Variants in MECR observed in about 807,000 individuals in gnomAD.
MECR encodes the protein mitochondrial trans-2-enoyl-CoA reductase.
In MECR, 37 loss-of-function variants were observed where a neutral mutation model predicts 49.1. The observed-to-expected ratio is 0.75, with a 90% CI of 0.58 to 0.99. The LOEUF (loss-of-function observed/expected upper bound fraction) is 0.99. Ranked by LOEUF, MECR falls within the 50% of genes least tolerant of loss-of-function variation. MECR has a pLI of 0.00. For missense variants in MECR, 470 were observed against 479.6 expected, an observed-to-expected ratio of 0.98 and a Z score of 0.19; for synonymous variants, 198 against 191.1, an observed-to-expected ratio of 1.04 and a Z score of -0.30.
At chr1:29,216,858 G>A in intron 1 of MECR, 173 bp from the exon 2 acceptor site, 1 of 1,403,622 alleles carries the variant, frequency 7.1e-7, no homozygotes, top group African/African-American at 1.5e-5. Context: ...CAGGAGGCTG[G>A]GCGTGGTGGC....
At chr1:29,217,288 A>C (rs61783708) in intron 1 of MECR, among the ~76,000 whole-genome samples, 118,559 of 148,228 alleles carry the variant, frequency 0.8, 48,053 homozygotes, top group Non-Finnish European at 0.87. Flanking sequence ...CGGCTCACTA[A>C]AAGCTCCGCC....
At chr1:29,229,549 C>A (rs1682944269) in intron 1 of MECR, among the ~76,000 whole-genome samples, 1 of 152,172 alleles carries the variant, frequency 6.6e-6, no homozygotes, top group African/African-American at 2.4e-5. Context: ...TTTGCCCATC[C>A]TTTGGAAAAT....
chr1:29,203,291 G>T, intron 4 of MECR, 58 bp from the exon 5 acceptor site: 1 of 1,372,404 alleles, frequency 7.3e-7, no homozygotes, highest in Non-Finnish European at 1.0e-6. Flanking sequence ...ATAGGTCAAA[G>T]GCTCCCAGCC....
intron 2 of MECR, 30 bp downstream of exon 2, chr1:29,216,558 A>C (rs776229869): frequency 6.2e-7 from 1 of 1,608,686 alleles, no homozygotes; most frequent in Non-Finnish European, 8.5e-7. Context: ...AAAAAAGCCA[A>C]TTAACATAAG....
intron 9 of MECR, among the ~76,000 whole-genome samples, chr1:29,194,927 G>A (rs143326641): frequency 0.015 from 2,292 of 151,840 alleles, 30 homozygotes; most frequent in Non-Finnish European, 0.021. Context: ...ACCAGCCTGG[G>A]CAACATGATG....
chr1:29,185,351 C>A, the MECR span, among the ~76,000 whole-genome samples: 1 of 152,048 alleles, frequency 6.6e-6, no homozygotes, highest in Non-Finnish European at 1.5e-5. Flanking sequence ...TGGGTTCACA[C>A]GGTTCTCCTG....
At chr1:29,198,965 C>G (rs1478062475) in intron 7 of MECR, among the ~76,000 whole-genome samples, 31 of 151,258 alleles carry the variant, frequency 2.0e-4, no homozygotes, top group Admixed American at 2.0e-3. Flanking sequence ...ACTGCACCCC[C>G]TGTCTAGGTG....
At chr1:29,181,407 C>T in the MECR span, among the ~76,000 whole-genome samples, 1 of 152,146 alleles carries the variant, frequency 6.6e-6, no homozygotes, top group Non-Finnish European at 1.5e-5. Context: ...GGCTTTCCTT[C>T]TCCCCGTCCC....
At chr1:29,204,884 G>A (rs1676191910) in intron 4 of MECR, among the ~76,000 whole-genome samples, 1 of 152,246 alleles carries the variant, frequency 6.6e-6, no homozygotes, top group African/African-American at 2.4e-5. Flanking sequence ...ATAGTTGCAA[G>A]AAACCTATAT....
the MECR span, among the ~76,000 whole-genome samples, chr1:29,176,117 T>G: frequency 6.6e-6 from 1 of 152,068 alleles, no homozygotes; most frequent in African/African-American, 2.4e-5. Flanking sequence ...CCGGGCGTGG[T>G]GGCACGCGCC....
intron 1 of MECR, among the ~76,000 whole-genome samples, chr1:29,217,127 CAAAAAAAAAA>C (rs1195549293): frequency 6.3e-5 from 3 of 47,264 alleles, no homozygotes; most frequent in Non-Finnish European, 1.1e-4. Flanking sequence ...GACTTTGTCT[CAAAAAAAAAA>C]AAAAAAAAAA....
intron 5 of MECR, among the ~76,000 whole-genome samples, chr1:29,202,888 C>A (rs1675656009): frequency 6.6e-6 from 1 of 152,222 alleles, no homozygotes; most frequent in South Asian, 2.1e-4. Flanking sequence ...TCAGTAAGGG[C>A]AGTCTCCACC....
chr1:29,229,827 A>G (rs1269845510), intron 1 of MECR, among the ~76,000 whole-genome samples: 2 of 152,188 alleles, frequency 1.3e-5, no homozygotes, highest in African/African-American at 4.8e-5. Flanking sequence ...CAGTGGCCCC[A>G]ATAGCCCTTC....
intron 1 of MECR, among the ~76,000 whole-genome samples, chr1:29,222,412 C>T (rs1010925186): frequency 8.6e-5 from 13 of 152,024 alleles, no homozygotes; most frequent in African/African-American, 2.9e-4. Context: ...GTATTTCCTG[C>T]GATCCAATTT....
At chr1:29,177,283 GTTTT>G in the MECR span, among the ~76,000 whole-genome samples, 1 of 137,880 alleles carries the variant, frequency 7.3e-6, no homozygotes. Context: ...AACTCTTTTT[GTTTT>G]TTTTTTTTTT....
chr1:29,181,887 G>C, the MECR span: 5 of 604,464 alleles, frequency 8.3e-6, no homozygotes, highest in South Asian at 7.5e-5. Context: ...CCCCGGCGAC[G>C]TACGCGAGCA....
chr1:29,221,922 T>C (rs1680870867), intron 1 of MECR, among the ~76,000 whole-genome samples: 1 of 152,142 alleles, frequency 6.6e-6, no homozygotes, highest in African/African-American at 2.4e-5. Flanking sequence ...TCAAAATGCC[T>C]ATGTGGAGGG....
the MECR span, among the ~76,000 whole-genome samples, chr1:29,187,299 C>T: frequency 0.1 from 15,141 of 149,802 alleles, 959 homozygotes; most frequent in African/African-American, 0.19. Context: ...CTGCAACCTC[C>T]GCCTCCGGGT....
intron 7 of MECR, among the ~76,000 whole-genome samples, chr1:29,198,196 C>T (rs901125280): frequency 6.6e-6 from 1 of 152,228 alleles, no homozygotes; most frequent in African/African-American, 2.4e-5. Context: ...CATGCTCGCT[C>T]ACCCACCGCT....
Sources: allele counts gnomAD v4.1 joint callset (sites outside exome capture counted in the v4.1 genomes callset), GRCh38; gene constraint gnomAD v4.1.1; transcripts MANE v1.5; gene names NCBI Gene and HGNC (gene_info 2026-07-23, HGNC 2026-07-21).